The following CCDC158 variants were observed in gnomAD, a reference collection of about 807,000 sequenced individuals.
CCDC158 encodes coiled-coil domain-containing protein 158.
In CCDC158, 116 loss-of-function variants were observed where a neutral mutation model predicts 138.6. That is an observed-to-expected ratio of 0.84 (90% confidence interval 0.72 to 0.98). The LOEUF is 0.98. Ranked by LOEUF, CCDC158 falls within the 50% of genes least tolerant of loss-of-function variation. The pLI is 0.00. For missense variants in CCDC158, 1,265 were observed against 1,306.1 expected (o/e 0.97, Z 0.48); for synonymous variants, 436 against 442.4 (o/e 0.99, Z 0.18).
Position 76,313,039 on chromosome 4 carries a change from T to C in CCDC158, c.*131A>G. On this transcript the variant is annotated 3_prime_UTR_variant, in exon 25 of 25. Transcript: ENST00000682701. ...GATTCAAGAATAGTTTATTTCAAAA[T>C]AGAGTTTACAAGACAGGGTATCTTT... 3.5e-6 allele frequency: 2 copies of C among 574,294 alleles called. No individual in the cohort carries two copies. The highest frequency in any genetic ancestry group is 6.1e-6 in the Non-Finnish European group (2 of 325,672). The allele number at this position is 574,294 out of a possible 1,614,324, so 35.6% of individuals were successfully genotyped here.
intron 24 of CCDC158, among the ~76,000 whole-genome samples, chr4:76,317,694 T>G (rs1719536492): frequency 6.6e-6 from 1 of 152,148 alleles, no homozygotes; most frequent in Non-Finnish European, 1.5e-5. Context: ...ACCCAACAAC[T>G]GCAGAATATA....
intron 18 of CCDC158, chr4:76,344,894 G>T: frequency 6.4e-7 from 1 of 1,554,070 alleles, no homozygotes; most frequent in Non-Finnish European, 8.9e-7. Context: ...AAGCCTAAGT[G>T]TTAGGTGGAA....
chr4:76,397,996 A>G (rs1298001514), intron 3 of CCDC158, among the ~76,000 whole-genome samples: 1 of 152,228 alleles, frequency 6.6e-6, no homozygotes, highest in Non-Finnish European at 1.5e-5. Context: ...TTAAAAAGAC[A>G]CAGGAGCCAG....
chr4:76,362,631 A>T (rs1195827391), intron 12 of CCDC158, among the ~76,000 whole-genome samples: 1 of 152,208 alleles, frequency 6.6e-6, no homozygotes, highest in African/African-American at 2.4e-5. Flanking sequence ...CACTCAAAAA[A>T]TACATATTAA....
intron 18 of CCDC158, among the ~76,000 whole-genome samples, chr4:76,338,378 C>T (rs1422806747): frequency 6.6e-6 from 1 of 151,988 alleles, no homozygotes; most frequent in Admixed American, 6.6e-5. Flanking sequence ...GGCATGGTAG[C>T]GTGTATGCCT....
intron 24 of CCDC158, 142 bp downstream of exon 24, chr4:76,323,160 T>TGGCA: frequency 1.7e-6 from 1 of 583,210 alleles, no homozygotes; most frequent in East Asian, 2.9e-5. Context: ...CTATTAATGG[T>TGGCA]TAAGACCCTT....
chr4:76,376,608 T>G (rs1725742339), intron 9 of CCDC158, among the ~76,000 whole-genome samples: 1 of 152,250 alleles, frequency 6.6e-6, no homozygotes, highest in Admixed American at 6.5e-5. Context: ...ATACAATTTT[T>G]TATGATCCCA....
upstream of CCDC158, chr4:76,421,602 C>T (rs2109949152): frequency 6.6e-6 from 1 of 152,304 alleles, no homozygotes; most frequent in South Asian, 2.1e-4. Context: ...GAGCTCTTAC[C>T]TGCCAAAGAG....
chr4:76,393,734 A>T (rs1038138804), intron 4 of CCDC158, among the ~76,000 whole-genome samples: 1 of 152,154 alleles, frequency 6.6e-6, no homozygotes, highest in African/African-American at 2.4e-5. Flanking sequence ...TACTCATTTG[A>T]CAAGGGATTA....
At chr4:76,373,046 G>A (rs1725390615) in intron 9 of CCDC158, among the ~76,000 whole-genome samples, 2 of 152,112 alleles carry the variant, frequency 1.3e-5, no homozygotes, top group East Asian at 3.9e-4. Context: ...ATGGGGTTTC[G>A]CCATGTTGGC....
intron 13 of CCDC158, among the ~76,000 whole-genome samples, chr4:76,359,106 C>A (rs1723870827): frequency 6.6e-6 from 1 of 152,130 alleles, no homozygotes; most frequent in Non-Finnish European, 1.5e-5. Context: ...TTCTCTCTCT[C>A]TCTCTCTCTC....
At chr4:76,410,798 A>C (rs1252097233) in intron 2 of CCDC158, among the ~76,000 whole-genome samples, 4 of 152,184 alleles carry the variant, frequency 2.6e-5, no homozygotes, top group Non-Finnish European at 4.4e-5. Flanking sequence ...TTAGCTGCTT[A>C]TTAACTTCAC....
chr4:76,341,786 T>G (rs1462448515), intron 18 of CCDC158, among the ~76,000 whole-genome samples: 1 of 152,228 alleles, frequency 6.6e-6, no homozygotes, highest in African/African-American at 2.4e-5. Context: ...AATCACATAA[T>G]ATTACTTTTC....
chr4:76,344,537 A>G, intron 18 of CCDC158: 1 of 930,900 alleles, frequency 1.1e-6, no homozygotes, highest in Non-Finnish European at 1.8e-6. Flanking sequence ...CCAGCTGGGA[A>G]GCTGATGAAT....
Position 76,313,053 on chromosome 4 carries a change from CAG to C in CCDC158, c.*115_*116del. ...TTATTTCAAAATAGAGTTTACAAGA[CAG>C]GGTATCTTTTATTAAATTTTCACAT... is the stretch of plus-strand genomic sequence containing the variant. On this transcript the variant is annotated 3_prime_UTR_variant, in exon 25 of 25. Coordinates refer to ENST00000682701, the MANE Select transcript of CCDC158 (RefSeq NM_001394954.1). 1.7e-6 allele frequency: 1 copy of C among 601,176 alleles called. No individual in the cohort carries two copies. The highest frequency in any genetic ancestry group is 2.9e-6 in the Non-Finnish European group (1 of 345,328). 37.2% of individuals were successfully genotyped at this position (601,176 alleles called of 1,614,324 possible). A position where few individuals can be genotyped will look rare whatever the true frequency, so the allele number is the denominator to read the frequency against.
chr4:76,323,410 CT>C lies in CCDC158; in HGVS notation c.3170-2del. On this transcript the variant is annotated splice_acceptor_variant, in intron 23 of 24. Transcript: ENST00000682701. LOFTEE classifies it high-confidence loss of function. ...GTTTCTATTGGCGGAGACTGTGAAT[CT>C]ATTAGAAAATTGCTTAGATGTGATA... The C allele has an allele frequency of 6.2e-7, 1 of 1,606,078 alleles. No individual in the cohort carries two copies. Among genetic ancestry groups the C allele is most frequent in the Non-Finnish European group, 8.5e-7 (1 of 1,175,942 alleles).
intron 24 of CCDC158, among the ~76,000 whole-genome samples, chr4:76,317,913 G>T (rs770039222): frequency 5.3e-5 from 8 of 152,082 alleles, no homozygotes; most frequent in Non-Finnish European, 7.4e-5. Flanking sequence ...ATCATCTTTG[G>T]ATCAATAATG....
chr4:76,350,670 T>C (rs1013633106), intron 18 of CCDC158, among the ~76,000 whole-genome samples: 1 of 152,206 alleles, frequency 6.6e-6, no homozygotes, highest in African/African-American at 2.4e-5. Flanking sequence ...AATTTTCATT[T>C]TGGTAGACTA....
chr4:76,396,239 C>T, intron 4 of CCDC158, 30 bp downstream of exon 4: 2 of 1,496,852 alleles, frequency 1.3e-6, no homozygotes, highest in South Asian at 1.2e-5. Context: ...CCCCAAATAG[C>T]ATCAGGTGCT....
Sources: gnomAD v4.1 joint callset for allele counts (sites outside exome capture counted in the v4.1 genomes callset) on GRCh38, gnomAD v4.1.1 for gene constraint, MANE v1.5 for transcripts, NCBI Gene and HGNC (gene_info 2026-07-23, HGNC 2026-07-21) for gene names.